The following DGKG variants were observed in gnomAD, a reference collection of about 807,000 sequenced individuals.
The protein encoded by DGKG is diacylglycerol kinase gamma.
A neutral mutation model predicts 105.3 loss-of-function variants in DGKG; 78 were observed. The ratio of observed to expected loss-of-function variants is 0.74; its 90% CI spans 0.62 to 0.89. The LOEUF is 0.89. DGKG is among the 40% of genes least tolerant of loss of function. DGKG has a pLI of 0.00. For synonymous variants in DGKG, 346 were observed against 367.1 expected (o/e 0.94, Z 0.66); for missense variants, 958 against 1,020.1 (o/e 0.94, Z 0.83).
intron 21 of DGKG, among the ~76,000 whole-genome samples, chr3:186,202,335 CT>C (rs1375865964): frequency 2.0e-5 from 3 of 152,138 alleles, no homozygotes; most frequent in African/African-American, 7.2e-5. Context: ...CTAGTGAAGA[CT>C]AAGATTAGTA....
chr3:186,222,791 A>T (rs938305329), intron 20 of DGKG, among the ~76,000 whole-genome samples: 11 of 151,664 alleles, frequency 7.3e-5, no homozygotes, highest in Non-Finnish European at 1.6e-4. Context: ...CAGCCTGGCC[A>T]ATACGGTGAC....
chr3:186,275,410 T>A, intron 10 of DGKG, 137 bp downstream of exon 10: 2 of 737,834 alleles, frequency 2.7e-6, no homozygotes, highest in South Asian at 3.5e-5. Context: ...CTCGCTTTAT[T>A]CCTTCTGTTG....
At chr3:186,159,336 C>T (rs1034789182) in intron 24 of DGKG, 8 of 150,566 alleles carry the variant, frequency 5.3e-5, no homozygotes, top group African/African-American at 1.9e-4. Flanking sequence ...CTGATTTATA[C>T]GTTTTGTCAT....
intron 20 of DGKG, among the ~76,000 whole-genome samples, chr3:186,224,086 G>A (rs1719732202): frequency 6.6e-6 from 1 of 152,198 alleles, no homozygotes; most frequent in African/African-American, 2.4e-5. Context: ...TCTGTGGGCT[G>A]TGATTTTAGA....
chr3:186,339,045 C>T (rs1367660332), intron 1 of DGKG, among the ~76,000 whole-genome samples: 1 of 152,080 alleles, frequency 6.6e-6, no homozygotes, highest in East Asian at 1.9e-4. Context: ...CCTAAAGTTC[C>T]CCTACACCAG....
chr3:186,349,190 G>C (rs1310351791), intron 1 of DGKG, among the ~76,000 whole-genome samples: 1 of 151,984 alleles, frequency 6.6e-6, no homozygotes, highest in Non-Finnish European at 1.5e-5. Context: ...TCCTGCCTCA[G>C]CTACCTATAT....
intron 17 of DGKG, among the ~76,000 whole-genome samples, chr3:186,253,669 A>C (rs1437383610): frequency 1.3e-5 from 2 of 152,220 alleles, no homozygotes; most frequent in African/African-American, 4.8e-5. Flanking sequence ...TGACTGCAGC[A>C]GCTAGGCCTG....
intron 22 of DGKG, among the ~76,000 whole-genome samples, chr3:186,187,769 T>A (rs1160034015): frequency 6.6e-6 from 1 of 150,988 alleles, no homozygotes; most frequent in Non-Finnish European, 1.5e-5. Flanking sequence ...CGAGAAGGAG[T>A]GACAAGTGAG....
At chr3:186,355,794 TG>T (rs1726928837) in intron 1 of DGKG, among the ~76,000 whole-genome samples, 1 of 152,190 alleles carries the variant, frequency 6.6e-6, no homozygotes, top group Admixed American at 6.6e-5. Context: ...ATCACCTTCA[TG>T]AGAAATAAAG....
At chr3:186,273,561 G>C (rs888223995) in intron 10 of DGKG, among the ~76,000 whole-genome samples, 1 of 151,698 alleles carries the variant, frequency 6.6e-6, no homozygotes, top group Non-Finnish European at 1.5e-5. Context: ...TTTTAGTAGG[G>C]ACGGGGTTTC....
intron 19 of DGKG, among the ~76,000 whole-genome samples, chr3:186,250,345 A>C (rs971235665): frequency 6.6e-6 from 1 of 151,980 alleles, no homozygotes; most frequent in African/African-American, 2.4e-5. Flanking sequence ...TGGGGGAGGG[A>C]GAGCATCAGG....
At chr3:186,297,882 G>A (rs1251958676) in intron 4 of DGKG, among the ~76,000 whole-genome samples, 182 bp downstream of exon 4, 1 of 152,222 alleles carries the variant, frequency 6.6e-6, no homozygotes, top group East Asian at 1.9e-4. Context: ...TCCTCTTGCT[G>A]AGAGGTTCAT....
rs529343805 is a variant in DGKG at position 186,205,542 on chromosome 3, T to A, written c.1917+6253A>T. On this transcript the variant is annotated intron_variant, in intron 21 of 24. Transcript: ENST00000265022. ...CTGGCAAACATGGCAAAGCCCTGTG[T>A]CTACTAAAAATACAAAAATTAACTA... Among the ~76,000 whole-genome samples, 105 of 152,256 alleles carry A rather than the reference T, an allele frequency of 6.9e-4. 2 individuals carry two copies. The South Asian group carries it at 0.021, about 30-fold the overall frequency.
intron 24 of DGKG, among the ~76,000 whole-genome samples, chr3:186,152,916 C>T (rs1358745976): frequency 6.6e-6 from 1 of 151,210 alleles, no homozygotes; most frequent in African/African-American, 2.4e-5. Flanking sequence ...CCCGTGTCGG[C>T]CTCCCAAAGT....
rs1446308523 is a variant in DGKG at position 186,288,821 on chromosome 3, C to T, written c.433G>A (p.Glu145Lys). The T allele has an allele frequency of 1.7e-5, 28 of 1,611,088 alleles. No homozygotes were observed. Among genetic ancestry groups the T allele is most frequent in the Non-Finnish European group, 2.2e-5 (26 of 1,178,652 alleles). ...AEDQVAATPL[E>K]PPVPRSSSSE... ...CTTGAAGACCGAGGGACGGGGGGTT[C>T]CAGGGGGGTCGCAGCCACTTGGTCT... The change falls in exon 6 of 25, where the codon GAA (glutamate) becomes AAA (lysine). Residue 145 changes from glutamate to lysine, a missense_variant. This residue lies in a region of DGKG where 643 missense variants were observed against 619.5 expected (regional missense o/e 1.04). Transcript: ENST00000265022.
At chr3:186,207,570 A>C in intron 21 of DGKG, 1 of 832,016 alleles carries the variant, frequency 1.2e-6, no homozygotes, top group African/African-American at 1.8e-5. Context: ...CTTCAATCCT[A>C]ATAATGGCCT....
rs66460527 is a variant in DGKG, at chr3:186,353,565, GTATATA to G, written c.-249+8375_-249+8380del. On this transcript the variant is annotated intron_variant, in intron 1 of 24. Coordinates refer to ENST00000265022, the MANE Select transcript of DGKG (RefSeq NM_001346.3). ...CACTTTTATATATACTTTTATGTAT[GTATATA>G]TATATATATATATATATATACACAC... Among the ~76,000 whole-genome samples, 523 of 116,996 alleles carry G rather than the reference GTATATA, an allele frequency of 4.5e-3. 2 individuals carry two copies. The highest frequency in any genetic ancestry group is 6.3e-3 in the African/African-American group (173 of 27,318). The allele number at this position is 116,996 out of a possible 152,430, so 76.8% of individuals were successfully genotyped here.
intron 2 of DGKG, among the ~76,000 whole-genome samples, chr3:186,319,425 G>A (rs1578829301): frequency 1.3e-5 from 2 of 152,312 alleles, no homozygotes; most frequent in East Asian, 3.9e-4. Flanking sequence ...CAGCGCTGGG[G>A]ACAAGGACTG....
At chr3:186,152,684 GAC>G (rs1715820855) in intron 24 of DGKG, among the ~76,000 whole-genome samples, 1 of 152,044 alleles carries the variant, frequency 6.6e-6, no homozygotes. Context: ...TTATTTTTGA[GAC>G]AGAGTCTCGC....
Sources: gnomAD v4.1 joint callset for allele counts (sites outside exome capture counted in the v4.1 genomes callset) on GRCh38, gnomAD v4.1.1 for gene constraint, gnomAD v4.1.1 regional missense constraint, MANE v1.5 for transcripts, NCBI Gene and HGNC (gene_info 2026-07-23, HGNC 2026-07-21) for gene names.